Variants in ATP1A2 observed in about 807,000 individuals in gnomAD.
ATP1A2 encodes sodium/potassium-transporting ATPase subunit alpha-2.
Under a neutral mutation model 113.1 loss-of-function variants are expected in ATP1A2, and 56 were observed. The ratio of observed to expected loss-of-function variants is 0.49; its 90% CI spans 0.40 to 0.62. The LOEUF is 0.62. ATP1A2 is among the 20% of genes least tolerant of loss of function. ATP1A2 has a pLI of 0.00. For missense variants in ATP1A2, 712 were observed against 1,357.8 expected (o/e 0.52, Z 7.47); for synonymous variants, 490 against 526.8 (o/e 0.93, Z 0.96).
chr1:160,120,929 C>T lies in ATP1A2; in HGVS notation c.36C>T (p.Ala12=), dbSNP rs767913105. 50 of 1,604,194 alleles carry T rather than the reference C, an allele frequency of 3.1e-5. No individual in the cohort carries two copies. The highest frequency in any genetic ancestry group is 1.6e-4 in the South Asian group (14 of 89,682). Residue 12 remains alanine, a synonymous_variant, in exon 2 of 23, where the codon GCC becomes GCT. Transcript: ENST00000361216. ...AGGCTGGCCGTGAGTACTCACCTGC[C>T]GCCACCACGGCAGAGAATGGGGGCG... ...GRGAGREYSP[A]ATTAENGGGK...
In ATP1A2 at chr1:160,128,768, C is replaced by G. The variant is rs1462930769; in HGVS notation, c.1134C>G (p.Thr378=). The G allele has an allele frequency of 4.3e-6, 7 of 1,614,018 alleles. No homozygotes were observed. Among genetic ancestry groups the G allele is most frequent in the East Asian group, 2.2e-5 (1 of 44,880 alleles). The change falls in exon 9 of 23, where the codon ACC becomes ACG. Residue 378 remains threonine, a synonymous_variant. Coordinates refer to ENST00000361216, the MANE Select transcript of ATP1A2 (RefSeq NM_000702.4). ...CCATCTGCTCGGACAAGACGGGCACCCTCACCCAGAACCGCATGACCGTCG... is the reference window on the plus strand; with the variant it reads ...CCATCTGCTCGGACAAGACGGGCACGCTCACCCAGAACCGCATGACCGTCG... ...TSTICSDKTG[T]LTQNRMTVAH...
At chr1:160,136,203 G>A (rs773611015) in intron 17 of ATP1A2, 44 bp from the exon 18 acceptor site, 37 of 1,613,474 alleles carry the variant, frequency 2.3e-5, no homozygotes, top group East Asian at 2.0e-4. Context: ...CATCTCCTAC[G>A]TCCCTTCAAA....
At chr1:160,118,767 C>T (rs1651270740) in intron 1 of ATP1A2, among the ~76,000 whole-genome samples, 1 of 152,046 alleles carries the variant, frequency 6.6e-6, no homozygotes, top group South Asian at 2.1e-4. Context: ...CTTGCATCCC[C>T]CACCCCTACC....
chr1:160,122,760 T>C (rs1553244201), intron 3 of ATP1A2, among the ~76,000 whole-genome samples: 2 of 152,008 alleles, frequency 1.3e-5, no homozygotes, highest in Non-Finnish European at 2.9e-5. Context: ...GGTTCAAGGA[T>C]GCAGTGAGCT....
chr1:160,128,277 C>T (rs1010314339), intron 8 of ATP1A2: 6 of 457,332 alleles, frequency 1.3e-5, no homozygotes, highest in South Asian at 7.7e-5. Context: ...TCTGTCCCTT[C>T]CTGCTCCCCC....
At position 160,129,489 on chromosome 1, in the gene ATP1A2, GT is replaced by G. The variant is rs1651699722; in HGVS notation, c.1461+90del. ...CCAAGGGGAATCATCACTAGCAGGAGTGGGGGTGTCTGAGGGTCATGTTCCC... is the reference window on the plus strand; with the variant it reads ...CCAAGGGGAATCATCACTAGCAGGAGGGGGGTGTCTGAGGGTCATGTTCCC... On this transcript the variant is annotated intron_variant, in intron 11 of 22. Transcript: ENST00000361216. The G allele has an allele frequency of 1.3e-5, 20 of 1,581,008 alleles. No individual in the cohort carries two copies. The East Asian group carries it at 4.5e-4, about 35-fold the overall frequency.
At chr1:160,118,993 T>C (rs1006336030) in intron 1 of ATP1A2, among the ~76,000 whole-genome samples, 2 of 151,898 alleles carry the variant, frequency 1.3e-5, no homozygotes, top group African/African-American at 4.8e-5. Flanking sequence ...CCCAAACCCA[T>C]AGAATGTACA....
At chr1:160,140,319 A>T (rs1652095924) in intron 22 of ATP1A2, among the ~76,000 whole-genome samples, 1 of 115,152 alleles carries the variant, frequency 8.7e-6, no homozygotes, top group South Asian at 2.6e-4. Context: ...TCAGAGGTGA[A>T]TCTGTTCAGG....
At chr1:160,130,629 G>C in intron 13 of ATP1A2, 32 bp downstream of exon 13, 2 of 1,613,694 alleles carry the variant, frequency 1.2e-6, no homozygotes, top group Non-Finnish European at 1.7e-6. Context: ...CTCCATTCTA[G>C]CCTCCCCCAT....
At chr1:160,139,575 G>A (rs910494102) in intron 20 of ATP1A2, 65 bp from the exon 21 acceptor site, 13 of 1,426,524 alleles carry the variant, frequency 9.1e-6, no homozygotes, top group Admixed American at 6.7e-5. Flanking sequence ...GCACCCCAGG[G>A]GTATCCCAGG....
intron 2 of ATP1A2, 67 bp from the exon 3 acceptor site, chr1:160,121,125 C>T: frequency 6.2e-7 from 1 of 1,600,364 alleles, no homozygotes; most frequent in South Asian, 1.1e-5. Context: ...CACCCCTGTG[C>T]CCTGCAGTAC....
chr1:160,129,446 G>T, intron 11 of ATP1A2, 46 bp downstream of exon 11: 1 of 1,603,294 alleles, frequency 6.2e-7, no homozygotes, highest in Non-Finnish European at 8.5e-7. Flanking sequence ...GGATATAAAT[G>T]GGTGAGGGTG....
rs1403561699 is a variant in ATP1A2, at chr1:160,127,638, C to T, written c.835C>T (p.Arg279Trp). 6 of 1,614,104 alleles carry T rather than the reference C, an allele frequency of 3.7e-6. No homozygotes were observed. The highest frequency in any genetic ancestry group is 1.1e-5 in the South Asian group (1 of 91,092). Reference sequence around the variant, plus strand: ...TCTCGCCTCAGGCCTGGAGGTTGGGCGGACACCCATAGCAATGGAGATTGA... The same window carrying T: ...TCTCGCCTCAGGCCTGGAGGTTGGGTGGACACCCATAGCAATGGAGATTGA... ...ATLASGLEVG[R>W]TPIAMEIEHF... is the part of the protein sequence containing the mutation. Residue 279 changes from arginine to tryptophan, a missense_variant, in exon 8 of 23, where the codon CGG becomes TGG. Coordinates refer to ENST00000361216, the MANE Select transcript of ATP1A2 (RefSeq NM_000702.4).
At chr1:160,129,228 C>G (rs1043259611) in intron 10 of ATP1A2, 38 bp from the exon 11 acceptor site, 3 of 1,613,968 alleles carry the variant, frequency 1.9e-6, no homozygotes, top group Admixed American at 3.3e-5. Flanking sequence ...ACTCCCTTCC[C>G]TCCCATGCTG....
At chr1:160,134,174 C>A (rs1400182840) in intron 13 of ATP1A2, among the ~76,000 whole-genome samples, 1 of 147,594 alleles carries the variant, frequency 6.8e-6, no homozygotes, top group African/African-American at 2.5e-5. Flanking sequence ...ATCCCACACA[C>A]ACACATTCCC....
At position 160,136,464 on chromosome 1, in the gene ATP1A2, G is replaced by A. The variant is rs1166400123; in HGVS notation, c.2563+94G>A. On this transcript the variant is annotated intron_variant, in intron 18 of 22. Transcript: ENST00000361216. ...GCCCCAAGCAAAATTCCAGGACAGA[G>A]GCCAGCTACCCAAGGGTCAGGGACC... The A allele has an allele frequency of 9.3e-6, 15 of 1,612,396 alleles. 1 individual carries two copies. In the Admixed American group the frequency reaches 1.7e-4, roughly 18 times the overall value.
At chr1:160,128,408 G>A (rs1651653127) in intron 8 of ATP1A2, 1 of 1,147,492 alleles carries the variant, frequency 8.7e-7, no homozygotes. Flanking sequence ...GCTCAGCTCT[G>A]CTCTGGCCCT....
intron 1 of ATP1A2, among the ~76,000 whole-genome samples, chr1:160,116,846 T>C (rs1374608380): frequency 6.6e-6 from 1 of 152,118 alleles, no homozygotes; most frequent in Non-Finnish European, 1.5e-5. Context: ...GACATGTTAT[T>C]GCACCTAGTT....
intron 13 of ATP1A2, among the ~76,000 whole-genome samples, chr1:160,133,034 C>T (rs1009755508): frequency 6.6e-6 from 1 of 151,862 alleles, no homozygotes; most frequent in African/African-American, 2.4e-5. Context: ...GCTTCACTTG[C>T]CTAAGGTGCT....
Sources: gnomAD v4.1 joint callset for allele counts (sites outside exome capture counted in the v4.1 genomes callset) on GRCh38, gnomAD v4.1.1 for gene constraint, MANE v1.5 for transcripts, NCBI Gene and HGNC (gene_info 2026-07-23, HGNC 2026-07-21) for gene names.